Variants in KIAA0586 observed in about 807,000 individuals in gnomAD.
KIAA0586 encodes the protein protein TALPID3.
In KIAA0586, 144 loss-of-function variants were observed where a neutral mutation model predicts 169.8. The ratio of observed to expected loss-of-function variants is 0.85; its 90% CI spans 0.74 to 0.97. The LOEUF (loss-of-function observed/expected upper bound fraction) is 0.97. Among genes scored for constraint, KIAA0586 ranks in the 50% least tolerant of loss-of-function variants. The pLI is 0.00. For synonymous variants in KIAA0586, 625 were observed against 612.4 expected (o/e 1.02, Z -0.30); for missense variants, 1,854 against 1,823.0 (o/e 1.02, Z -0.31).
intron 29 of KIAA0586, chr14:58,537,169 A>G: frequency 1.9e-6 from 2 of 1,062,774 alleles, no homozygotes; most frequent in Non-Finnish European, 2.3e-6. Context: ...AGTGAGAATT[A>G]TGAAGCCACT....
At chr14:58,541,270 G>A (rs2046621622) in intron 30 of KIAA0586, among the ~76,000 whole-genome samples, 1 of 152,192 alleles carries the variant, frequency 6.6e-6, no homozygotes, top group Non-Finnish European at 1.5e-5. Flanking sequence ...GAATGCAGAG[G>A]TAAATAAGAC....
intron 21 of KIAA0586, among the ~76,000 whole-genome samples, 154 bp from the exon 22 acceptor site, chr14:58,486,851 CAA>C (rs1300147507): frequency 2.6e-5 from 4 of 152,122 alleles, no homozygotes; most frequent in Admixed American, 2.6e-4. Context: ...TGCTGCAGGC[CAA>C]TCGTAGACTA....
intron 29 of KIAA0586, among the ~76,000 whole-genome samples, chr14:58,520,483 TA>T (rs2045125195): frequency 6.6e-6 from 1 of 151,102 alleles, no homozygotes; most frequent in Non-Finnish European, 1.5e-5. Flanking sequence ...TCACTTAACA[TA>T]ATGTTTTCTT....
chr14:58,520,240 C>T (rs1432283750), intron 29 of KIAA0586, among the ~76,000 whole-genome samples: 1 of 152,162 alleles, frequency 6.6e-6, no homozygotes, highest in Non-Finnish European at 1.5e-5. Context: ...TAAATTCTCA[C>T]TGGTTTTTAG....
chr14:58,449,134 A>T (rs1480263173), intron 7 of KIAA0586, among the ~76,000 whole-genome samples: 2 of 152,226 alleles, frequency 1.3e-5, no homozygotes, highest in Non-Finnish European at 2.9e-5. Context: ...CCCTTTAATG[A>T]TATACAGATC....
At chr14:58,477,325 G>C (rs1261177419) in intron 20 of KIAA0586, 84 bp downstream of exon 20, 1 of 699,634 alleles carries the variant, frequency 1.4e-6, no homozygotes, top group East Asian at 2.7e-5. Context: ...CAGAGGTCAA[G>C]TAAATTCTCC....
chr14:58,442,378 T>C (rs886102473), intron 4 of KIAA0586, among the ~76,000 whole-genome samples: 4 of 152,262 alleles, frequency 2.6e-5, no homozygotes, highest in African/African-American at 9.6e-5. Context: ...AAATTGGGAT[T>C]ACAGGCATAA....
rs778582773 is a variant in KIAA0586, at chr14:58,457,797, T to G, written c.1401T>G (p.Leu467=). 1.2e-6 allele frequency: 2 copies of G among 1,606,110 alleles called. No homozygotes were observed. Among genetic ancestry groups the G allele is most frequent in the Non-Finnish European group, 1.7e-6 (2 of 1,176,142 alleles). The change falls in exon 11 of 31, where the codon CTT becomes CTG. Residue 467 remains leucine, a synonymous_variant. Coordinates refer to ENST00000652326, the MANE Select transcript of KIAA0586 (RefSeq NM_001329943.3). ...TGAGTATGTTGAAGCTTCCAGATCT[T>G]CCACAGAATTCTGTTAAGCTTCAAA... ...ESLSMLKLPD[L]PQNSVKLQTT...
At position 58,529,696 on chromosome 14, in the gene KIAA0586, G is replaced by T. The variant is rs183688960; in HGVS notation, c.4430-10375G>T. 2.0e-3 allele frequency among the ~76,000 whole-genome samples: 302 copies of T among 152,220 alleles called. 1 individual carries two copies. Among genetic ancestry groups the T allele is most frequent in the African/African-American group, 7.1e-3 (293 of 41,528 alleles). On this transcript the variant is annotated intron_variant, in intron 29 of 30. Coordinates refer to ENST00000652326, the MANE Select transcript of KIAA0586 (RefSeq NM_001329943.3). The stretch of plus-strand genomic sequence containing the variant: ...AACTCTCAATAAACTATCTATTGAT[G>T]AAACATATCTCAAAATAGTAAGGGC...
At chr14:58,557,925 T>A in the KIAA0586 span, among the ~76,000 whole-genome samples, 1 of 140,922 alleles carries the variant, frequency 7.1e-6, no homozygotes, top group Admixed American at 7.2e-5. Flanking sequence ...TTTTTTTTTT[T>A]TTTGAGACAG....
At chr14:58,487,727 C>T (rs903461289) in intron 22 of KIAA0586, among the ~76,000 whole-genome samples, 160 bp from the exon 23 acceptor site, 1 of 152,092 alleles carries the variant, frequency 6.6e-6, no homozygotes, top group Non-Finnish European at 1.5e-5. Context: ...GGAATTATCA[C>T]ATTAATGGCT....
chr14:58,555,620 A>T (rs986319714), downstream of KIAA0586, among the ~76,000 whole-genome samples: 1 of 151,874 alleles, frequency 6.6e-6, no homozygotes, highest in Non-Finnish European at 1.5e-5. Context: ...TCGAATTTTG[A>T]TTTTTTTCAT....
chr14:58,492,866 TA>T (rs1209205446), intron 26 of KIAA0586, among the ~76,000 whole-genome samples: 2 of 152,216 alleles, frequency 1.3e-5, no homozygotes, highest in Non-Finnish European at 1.5e-5. Context: ...CAAGAAATAT[TA>T]AAGCATATTT....
chr14:58,533,967 A>G (rs906455113), intron 29 of KIAA0586, among the ~76,000 whole-genome samples: 1 of 152,190 alleles, frequency 6.6e-6, no homozygotes, highest in Admixed American at 6.5e-5. Flanking sequence ...AAAAGTTACC[A>G]GGTCTGGCCT....
chr14:58,536,801 T>C (rs1364114710), intron 29 of KIAA0586, among the ~76,000 whole-genome samples: 1 of 141,044 alleles, frequency 7.1e-6, no homozygotes, highest in Non-Finnish European at 1.6e-5. Context: ...TCTTCAAACA[T>C]TTAAGTAAAA....
At chr14:58,445,229 T>C (rs992759745) in intron 6 of KIAA0586, among the ~76,000 whole-genome samples, 19 of 152,104 alleles carry the variant, frequency 1.2e-4, no homozygotes, top group Admixed American at 9.2e-4. Flanking sequence ...CTGGCAATCA[T>C]TGAAAGCTTC....
chr14:58,488,558 T>TA, intron 23 of KIAA0586, 63 bp from the exon 24 acceptor site: 4 of 1,552,398 alleles, frequency 2.6e-6, no homozygotes, highest in Non-Finnish European at 3.5e-6. Flanking sequence ...CTGTTTTTTA[T>TA]ATCAAAATGA....
In KIAA0586 at chr14:58,470,673, C is replaced by G. The variant is rs113040775; in HGVS notation, c.2503C>G (p.Leu835Val). Reference protein sequence around the residue: ...SNSSADVLSPLSSPKEASLPP... With the variant: ...SNSSADVLSPVSSPKEASLPP... The stretch of plus-strand genomic sequence containing the variant: ...TAGTAGTGCTGATGTCCTTTCACCT[C>G]TGTCTAGCCCCAAAGAAGCATCTCT... The change falls in exon 17 of 31, where the codon CTG becomes GTG. Residue 835 changes from leucine to valine, a missense_variant. Transcript: ENST00000652326. 7.0e-5 allele frequency: 112 copies of G among 1,610,334 alleles called. 2 individuals are homozygous for G. In the African/African-American group the frequency reaches 1.2e-3, roughly 17 times the overall value.
At chr14:58,523,646 A>G (rs1048936942) in intron 29 of KIAA0586, among the ~76,000 whole-genome samples, 1 of 151,940 alleles carries the variant, frequency 6.6e-6, no homozygotes, top group African/African-American at 2.4e-5. Flanking sequence ...TTGGGAGCAG[A>G]GGAACCGTCT....
Sources: gnomAD v4.1 joint callset for allele counts (sites outside exome capture counted in the v4.1 genomes callset) on GRCh38, gnomAD v4.1.1 for gene constraint, MANE v1.5 for transcripts, NCBI Gene and HGNC (gene_info 2026-07-23, HGNC 2026-07-21) for gene names.